Variants in SMPDL3B observed in about 807,000 individuals in gnomAD.
SMPDL3B encodes acid sphingomyelinase-like phosphodiesterase 3b.
SMPDL3B carries 31 observed loss-of-function variants against 37.9 expected under a neutral mutation model. The ratio of observed to expected loss-of-function variants is 0.82; its 90% confidence interval spans 0.61 to 1.10. The LOEUF is 1.10. SMPDL3B is among the 50% of genes least tolerant of loss of function. The pLI, the probability that SMPDL3B is intolerant of heterozygous loss-of-function variation, is 0.00. For synonymous variants in SMPDL3B, 235 were observed against 242.6 expected (o/e 0.97, Z 0.29); for missense variants, 525 against 597.8 (o/e 0.88, Z 1.27).
intron 3 of SMPDL3B, 60 bp from the exon 4 acceptor site, chr1:27,953,155 T>C: frequency 7.1e-7 from 1 of 1,417,890 alleles, no homozygotes; most frequent in African/African-American, 1.4e-5. Context: ...CAACAGAAAA[T>C]GATTAACTCC....
At chr1:27,951,171 G>T (rs1248663159) in intron 3 of SMPDL3B, among the ~76,000 whole-genome samples, 2 of 152,126 alleles carry the variant, frequency 1.3e-5, no homozygotes, top group African/African-American at 4.8e-5. Flanking sequence ...ACTGAAAGAT[G>T]CATCATTATG....
chr1:27,941,256 G>T (rs1273203839), intron 1 of SMPDL3B, among the ~76,000 whole-genome samples: 1 of 152,196 alleles, frequency 6.6e-6, no homozygotes, highest in African/African-American at 2.4e-5. Context: ...TCAGCTTTGG[G>T]GTCAGAGAGG....
At chr1:27,936,800 C>T (rs12119566) in intron 1 of SMPDL3B, 66,078 of 151,988 alleles carry the variant, frequency 0.43, 14,821 homozygotes, top group South Asian at 0.65. Flanking sequence ...GGGCGGATCA[C>T]GAGGTCAGGA....
chr1:27,939,761 C>T (rs761283272), intron 1 of SMPDL3B, among the ~76,000 whole-genome samples: 95 of 152,244 alleles, frequency 6.2e-4, no homozygotes, highest in Middle Eastern at 6.8e-3. Context: ...GTTGAGGCTG[C>T]AGTGACCCAG....
intron 2 of SMPDL3B, among the ~76,000 whole-genome samples, chr1:27,948,654 C>T (rs866290011): frequency 2.0e-5 from 3 of 152,214 alleles, no homozygotes; most frequent in South Asian, 2.1e-4. Context: ...TGAGCTCCCT[C>T]GGGGTTTGCA....
intron 2 of SMPDL3B, among the ~76,000 whole-genome samples, chr1:27,948,331 T>G (rs1235179100): frequency 6.6e-6 from 1 of 152,172 alleles, no homozygotes; most frequent in Non-Finnish European, 1.5e-5. Flanking sequence ...GGTGTGAGCT[T>G]CTAGCAGCAG....
intron 1 of SMPDL3B, among the ~76,000 whole-genome samples, chr1:27,938,590 T>C (rs993515325): frequency 1.3e-5 from 2 of 152,190 alleles, no homozygotes; most frequent in African/African-American, 4.8e-5. Context: ...TTGTAAAATG[T>C]TGTAAAAGTT....
intron 1 of SMPDL3B, among the ~76,000 whole-genome samples, chr1:27,944,171 G>A (rs909369893): frequency 6.6e-6 from 1 of 151,918 alleles, no homozygotes; most frequent in African/African-American, 2.4e-5. Flanking sequence ...CTGAGTCTAG[G>A]TTTCGGTCAA....
intron 3 of SMPDL3B, among the ~76,000 whole-genome samples, chr1:27,951,225 G>T (rs927144254): frequency 1.3e-5 from 2 of 152,076 alleles, no homozygotes; most frequent in East Asian, 3.8e-4. Context: ...CTGACACAGC[G>T]CTTTCTCATG....
intron 7 of SMPDL3B, among the ~76,000 whole-genome samples, chr1:27,957,004 C>T (rs1428340591): frequency 1.3e-5 from 2 of 151,778 alleles, no homozygotes; most frequent in Non-Finnish European, 2.9e-5. Context: ...GGGAAGAGCA[C>T]GGAGGCCATG....
chr1:27,953,419 C>T (rs2090471603), intron 4 of SMPDL3B, 61 bp downstream of exon 4: 13 of 1,399,360 alleles, frequency 9.3e-6, no homozygotes, highest in Middle Eastern at 1.8e-4. Context: ...TGATCTTCGT[C>T]TTCACAACAA....
chr1:27,954,252 A>C, intron 4 of SMPDL3B, 102 bp from the exon 5 acceptor site: 2 of 1,102,350 alleles, frequency 1.8e-6, no homozygotes, highest in Non-Finnish European at 2.6e-6. Context: ...ATGGGAGGGG[A>C]AGATGCAACG....
In SMPDL3B at chr1:27,958,086, G is replaced by A. The variant is rs1250040130; in HGVS notation, c.1006-390G>A. On this transcript the variant is annotated intron_variant, in intron 7 of 7. Transcript: ENST00000373894. This position sits in a 1 kb window ranked among gnomAD's most constrained non-coding sequence, Gnocchi z 5.6. ...CATAATCTCTCTCATGCTTAGTGTT[G>A]CTCTTTTTATGTTGCTTTTATCTAT... 2.0e-5 allele frequency among the ~76,000 whole-genome samples: 3 copies of A among 152,102 alleles called. No individual in the cohort carries two copies. Among genetic ancestry groups the A allele is most frequent in the Non-Finnish European group, 4.4e-5 (3 of 68,006 alleles).
chr1:27,948,961 G>A (rs746984497), intron 2 of SMPDL3B, 104 bp from the exon 3 acceptor site: 19 of 1,571,732 alleles, frequency 1.2e-5, no homozygotes, highest in East Asian at 2.3e-5. Flanking sequence ...GGACATCTGA[G>A]GCCCAGGTCC....
chr1:27,938,719 T>G (rs1436247224), intron 1 of SMPDL3B, among the ~76,000 whole-genome samples: 1 of 152,254 alleles, frequency 6.6e-6, no homozygotes, highest in African/African-American at 2.4e-5. Flanking sequence ...ACAACCACTC[T>G]GTGTTTCACT....
At position 27,949,130 on chromosome 1, in the gene SMPDL3B, G is replaced by T. The variant is rs548367412; in HGVS notation, c.341G>T (p.Arg114Leu). The change falls in exon 3 of 8, where the codon CGC (arginine) becomes CTC (leucine). Residue 114 changes from arginine to leucine, a missense_variant. Arg to Leu is a moderately radical substitution (Grantham distance 102, BLOSUM62 -2). Transcript: ENST00000373894. ...GCAGCTGTACTGGAAATTGTGGAACGCCTGACCAAGCTCATCAGAGAGGTC... is the reference window on the plus strand; with the variant it reads ...GCAGCTGTACTGGAAATTGTGGAACTCCTGACCAAGCTCATCAGAGAGGTC... ...GEAAVLEIVE[R>L]LTKLIREVFP... is the part of the protein sequence containing the mutation. 2 of 1,614,204 alleles carry T rather than the reference G, an allele frequency of 1.2e-6. No homozygotes were observed. Among genetic ancestry groups the T allele is most frequent in the Admixed American group, 3.3e-5 (2 of 60,026 alleles).
Position 27,958,143 on chromosome 1 carries a change from A to G in SMPDL3B, c.1006-333A>G, listed in dbSNP as rs1275842913. 1.3e-5 allele frequency among the ~76,000 whole-genome samples: 2 copies of G among 152,126 alleles called. No homozygotes were observed. The highest frequency in any genetic ancestry group is 1.9e-4 in the East Asian group (1 of 5,202). On this transcript the variant is annotated intron_variant, in intron 7 of 7. Coordinates refer to ENST00000373894, the MANE Select transcript of SMPDL3B (RefSeq NM_014474.4). The surrounding 1 kb of genome is among the most constrained non-coding windows in gnomAD (Gnocchi z 5.6). ...TGTAAATATTTACTGAGCGTCTTCT[A>G]TGTGTACCCTAGCATGGTGGGACCT... is the stretch of plus-strand genomic sequence containing the variant.
In SMPDL3B at chr1:27,954,262, G is replaced by A. The variant is rs1268308667; in HGVS notation, c.518-92G>A. 4.9e-5 allele frequency: 61 copies of A among 1,238,674 alleles called. 2 individuals are homozygous for A. Among genetic ancestry groups the A allele is most frequent in the South Asian group, 1.8e-4 (12 of 66,950 alleles). The allele number at this position is 1,238,674 out of a possible 1,614,324, so 76.7% of individuals were successfully genotyped here. On this transcript the variant is annotated intron_variant, in intron 4 of 7. Coordinates refer to ENST00000373894, the MANE Select transcript of SMPDL3B (RefSeq NM_014474.4). The stretch of plus-strand genomic sequence containing the variant: ...GAAAGATGGGAGGGGAAGATGCAAC[G>A]GAAAAAGAAAGTGGGACATTGAGGT...
Position 27,953,358 on chromosome 1 carries a change from G to A in SMPDL3B, c.517G>A (p.Gly173Ser), listed in dbSNP as rs1265614050. Residue 173 changes from glycine to serine, a missense_variant and splice_region_variant, in exon 4 of 8, where the codon GGT becomes AGT. By Grantham distance (56) the Gly-to-Ser change is moderately conservative. Coordinates refer to ENST00000373894, the MANE Select transcript of SMPDL3B (RefSeq NM_014474.4). ...SNESIALFKKGAFYCEKLPGP... is the reference protein window; with the variant it reads ...SNESIALFKKSAFYCEKLPGP... ...TGAGTCCATCGCTCTCTTCAAAAAA[G>A]GTACCAACACCACCTGCTCCTATCA... The A allele has an allele frequency of 1.2e-6, 2 of 1,609,408 alleles. No individual in the cohort carries two copies. Among genetic ancestry groups the A allele is most frequent in the East Asian group, 4.5e-5 (2 of 44,812 alleles).
Sources: allele counts gnomAD v4.1 joint callset (sites outside exome capture counted in the v4.1 genomes callset), GRCh38; gene constraint gnomAD v4.1.1; non-coding constraint Gnocchi (gnomAD v3.1); transcripts MANE v1.5; gene names NCBI Gene and HGNC (gene_info 2026-07-23, HGNC 2026-07-21).